The following CLDN10 variants were observed in gnomAD, a reference collection of about 807,000 sequenced individuals.
CLDN10 encodes the protein claudin-10.
CLDN10 carries 15 observed loss-of-function variants against 22.9 expected under a neutral mutation model. The ratio of observed to expected loss-of-function variants is 0.65; its 90% confidence interval spans 0.44 to 1.01. The LOEUF (loss-of-function observed/expected upper bound fraction) is 1.01. Ranked by LOEUF, CLDN10 falls within the 50% of genes least tolerant of loss-of-function variation. The probability of loss-of-function intolerance (pLI) is 0.00; values close to 1 mark genes in which losing one functional copy is unlikely to be tolerated. For synonymous variants in CLDN10, 114 were observed against 111.4 expected (o/e 1.02, Z -0.15); for missense variants, 247 against 287.8 (o/e 0.86, Z 1.03).
At chr13:95,529,673 A>G (rs2043320270) in intron 1 of CLDN10, among the ~76,000 whole-genome samples, 1 of 152,050 alleles carries the variant, frequency 6.6e-6, no homozygotes, top group Non-Finnish European at 1.5e-5. Flanking sequence ...GACACTGATA[A>G]TCTCTTTTCT....
At chr13:95,561,215 C>T (rs117241704) in intron 3 of CLDN10, among the ~76,000 whole-genome samples, 4,051 of 152,178 alleles carry the variant, frequency 0.027, 99 homozygotes, top group Non-Finnish European at 0.042. Context: ...GCCTCACGTA[C>T]GTGTGTGTGT....
In CLDN10 at chr13:95,578,391, T is replaced by A. The variant is rs1594628716; in HGVS notation, c.*377T>A. The stretch of plus-strand genomic sequence containing the variant: ...TTCTTTTCATTCATAAACAGGTGTA[T>A]AAGGAACAATGTCTTATAAACAGCA... On this transcript the variant is annotated 3_prime_UTR_variant, in exon 5 of 5. Transcript: ENST00000299339. The A allele has an allele frequency of 6.4e-6, 1 of 157,178 alleles. No homozygotes were observed. Among genetic ancestry groups the A allele is most frequent in the Middle Eastern group, 3.3e-3 (1 of 302 alleles). The allele number at this position is 157,178 out of a possible 1,614,324, so 9.7% of individuals were successfully genotyped here.
At chr13:95,563,918 T>G (rs974079548) in intron 3 of CLDN10, among the ~76,000 whole-genome samples, 31 of 152,238 alleles carry the variant, frequency 2.0e-4, no homozygotes, top group African/African-American at 7.2e-4. Context: ...AATGAACTGA[T>G]TTCCTAGCTC....
chr13:95,445,334 C>A (rs1345055991), intron 1 of CLDN10, among the ~76,000 whole-genome samples: 1 of 152,190 alleles, frequency 6.6e-6, no homozygotes, highest in Non-Finnish European at 1.5e-5. Flanking sequence ...GACCTTTAAG[C>A]CCTACAAAGG....
chr13:95,514,513 GATA>G (rs1421615486), intron 1 of CLDN10, among the ~76,000 whole-genome samples: 1 of 151,828 alleles, frequency 6.6e-6, no homozygotes, highest in Non-Finnish European at 1.5e-5. Flanking sequence ...TTTCTATGGA[GATA>G]ATATTTAAAC....
At chr13:95,563,398 C>A (rs956712455) in intron 3 of CLDN10, among the ~76,000 whole-genome samples, 1 of 151,998 alleles carries the variant, frequency 6.6e-6, no homozygotes, top group African/African-American at 2.4e-5. Flanking sequence ...AATATAACAC[C>A]TACAATTCAC....
intron 1 of CLDN10, among the ~76,000 whole-genome samples, chr13:95,454,138 C>T (rs1382457169): frequency 6.6e-6 from 1 of 151,944 alleles, no homozygotes; most frequent in African/African-American, 2.4e-5. Flanking sequence ...CACTTCTCCC[C>T]AGCCATTGAA....
At chr13:95,507,871 C>T (rs1037272869) in intron 1 of CLDN10, among the ~76,000 whole-genome samples, 1 of 152,058 alleles carries the variant, frequency 6.6e-6, no homozygotes, top group East Asian at 1.9e-4. Flanking sequence ...GATCCACCTG[C>T]CTCGGCCTCC....
chr13:95,517,260 C>G (rs1236695553), intron 1 of CLDN10, among the ~76,000 whole-genome samples: 1 of 152,066 alleles, frequency 6.6e-6, no homozygotes, highest in Non-Finnish European at 1.5e-5. Context: ...ATTTACTGAG[C>G]CCTTGCTTAG....
At chr13:95,532,791 G>GAAAAAAAAAAAAAAAAAA in intron 1 of CLDN10, among the ~76,000 whole-genome samples, 1 of 8,392 alleles carries the variant, frequency 1.2e-4, no homozygotes, top group Non-Finnish European at 2.5e-4. Flanking sequence ...ACTCAATTCA[G>GAAAAAAAAAAAAAAAAAA]CAAAAAAAAA....
chr13:95,434,509 A>G (rs867219272), intron 1 of CLDN10, among the ~76,000 whole-genome samples: 7 of 131,604 alleles, frequency 5.3e-5, no homozygotes, highest in Non-Finnish European at 1.1e-4. Flanking sequence ...AGAGGTATCT[A>G]TATGTGTGTG....
At chr13:95,517,516 G>A (rs2043182015) in intron 1 of CLDN10, among the ~76,000 whole-genome samples, 1 of 152,220 alleles carries the variant, frequency 6.6e-6, no homozygotes, top group African/African-American at 2.4e-5. Context: ...TTGAGTCAAG[G>A]ATATGGATAC....
intron 1 of CLDN10, among the ~76,000 whole-genome samples, chr13:95,471,453 A>ATATATTTTTT (rs776857009): frequency 1.4e-4 from 15 of 106,392 alleles, no homozygotes; most frequent in African/African-American, 2.8e-4. Context: ...ATATATATAT[A>ATATATTTTTT]TTTTTTTTTT....
At position 95,481,443 on chromosome 13, in the gene CLDN10, A is replaced by G. The variant is rs370935017; in HGVS notation, c.214+47396A>G. ...CTGCGTTTCTAACAGCCTCCCAGGT[A>G]AAGCTGGTGAGGCTGGTCTTCAGAC... On this transcript the variant is annotated intron_variant, in intron 1 of 4. Transcript: ENST00000376873. Among the ~76,000 whole-genome samples the G allele has an allele frequency of 2.6e-5, 4 of 152,288 alleles. No individual in the cohort carries two copies. The East Asian group carries it at 5.8e-4, about 22-fold the overall frequency.
In CLDN10 at chr13:95,472,760, T is replaced by A. The variant is rs146281385; in HGVS notation, c.214+38713T>A. ...AAGGGAGCTGATTCCCGTAGCAAAA[T>A]GTTTTTAATTTGAGAGTGTGGGATG... On this transcript the variant is annotated intron_variant, in intron 1 of 4. Transcript: ENST00000376873. 5.4e-3 allele frequency among the ~76,000 whole-genome samples: 818 copies of A among 151,232 alleles called. 7 individuals carry two copies. Among genetic ancestry groups the A allele is most frequent in the African/African-American group, 0.019 (776 of 41,208 alleles).
chr13:95,511,346 A>C (rs747721574), intron 1 of CLDN10, among the ~76,000 whole-genome samples: 5 of 152,034 alleles, frequency 3.3e-5, no homozygotes, highest in Non-Finnish European at 5.9e-5. Flanking sequence ...AAGAGAAAAA[A>C]ACCCTAAATC....
intron 1 of CLDN10, among the ~76,000 whole-genome samples, chr13:95,480,198 GA>G (rs150758355): frequency 0.077 from 11,660 of 152,194 alleles, 760 homozygotes; most frequent in African/African-American, 0.17. Flanking sequence ...CCGCCCCCAT[GA>G]TTCAATTACC....
chr13:95,506,748 G>T (rs2138551465), intron 1 of CLDN10, among the ~76,000 whole-genome samples: 1 of 152,322 alleles, frequency 6.6e-6, no homozygotes, highest in South Asian at 2.1e-4. Context: ...GGGTCCATCA[G>T]CCTTCTGAGA....
chr13:95,510,212 G>A (rs1313663136), intron 1 of CLDN10, among the ~76,000 whole-genome samples: 15 of 152,154 alleles, frequency 9.9e-5, no homozygotes, highest in Admixed American at 8.5e-4. Flanking sequence ...GGCTTCCAGT[G>A]AAGAACACTT....
Sources: allele counts gnomAD v4.1 joint callset (sites outside exome capture counted in the v4.1 genomes callset), GRCh38; gene constraint gnomAD v4.1.1; transcripts MANE v1.5; gene names NCBI Gene and HGNC (gene_info 2026-07-23, HGNC 2026-07-21).